Variants in PTPRG observed in about 807,000 individuals in gnomAD.
PTPRG encodes receptor-type tyrosine-protein phosphatase gamma.
In PTPRG, 102 loss-of-function variants were observed where a neutral mutation model predicts 165.3. The ratio of observed to expected loss-of-function variants is 0.62; its 90% CI spans 0.53 to 0.73. The LOEUF is 0.73. Ranked by LOEUF, PTPRG falls within the 30% of genes least tolerant of loss-of-function variation. PTPRG has a pLI of 0.00. For synonymous variants in PTPRG, 675 were observed against 669.5 expected, an observed-to-expected ratio of 1.01 and a Z score of -0.13; for missense variants, 1,866 against 1,861.4, an observed-to-expected ratio of 1.00 and a Z score of -0.05.
At chr3:62,265,894 T>TACACACACACACACACACACACACACAC (rs1250968284) in intron 17 of PTPRG, among the ~76,000 whole-genome samples, 59 of 26,514 alleles carry the variant, frequency 2.2e-3, no homozygotes, top group African/African-American at 6.3e-3. Flanking sequence ...CTGTGCCTTA[T>TACACACACACACACACACACACACACAC]ATACACACAC....
intron 2 of PTPRG, among the ~76,000 whole-genome samples, chr3:61,890,130 T>C (rs926610307): frequency 6.6e-6 from 1 of 152,184 alleles, no homozygotes; most frequent in South Asian, 2.1e-4. Flanking sequence ...AGTAACAAAG[T>C]GTGATTCATT....
chr3:61,739,811 G>C (rs1030986877), intron 1 of PTPRG, among the ~76,000 whole-genome samples: 2 of 152,218 alleles, frequency 1.3e-5, no homozygotes, highest in African/African-American at 4.8e-5. Flanking sequence ...GAACAAGTGG[G>C]ACTGGGTGGA....
At chr3:61,862,491 A>G (rs866960287) in intron 2 of PTPRG, among the ~76,000 whole-genome samples, 3 of 151,276 alleles carry the variant, frequency 2.0e-5, no homozygotes, top group Non-Finnish European at 4.4e-5. Context: ...GGGTTCCAGC[A>G]ATTGTCCTGC....
chr3:62,282,136 T>C (rs1258614077), intron 27 of PTPRG, among the ~76,000 whole-genome samples: 1 of 152,058 alleles, frequency 6.6e-6, no homozygotes, highest in Non-Finnish European at 1.5e-5. Context: ...CTTGTTTTCC[T>C]TTAATTTTAT....
At chr3:62,089,279 C>T (rs1253705100) in intron 5 of PTPRG, among the ~76,000 whole-genome samples, 1 of 152,172 alleles carries the variant, frequency 6.6e-6, no homozygotes, top group Non-Finnish European at 1.5e-5. Flanking sequence ...GGAAATACAT[C>T]CAACCATTTT....
At chr3:62,288,138 C>T (rs1416512722) in intron 28 of PTPRG, among the ~76,000 whole-genome samples, 1 of 133,666 alleles carries the variant, frequency 7.5e-6, no homozygotes, top group Non-Finnish European at 1.6e-5. Flanking sequence ...CCAAACTGTA[C>T]TTAAAAAAAA....
intron 2 of PTPRG, among the ~76,000 whole-genome samples, chr3:61,903,627 G>A (rs1473842444): frequency 1.3e-5 from 2 of 152,122 alleles, no homozygotes; most frequent in East Asian, 3.9e-4. Context: ...ACCCACTTTG[G>A]CCTCCCAAAG....
chr3:61,847,444 A>G (rs150898519), intron 2 of PTPRG, among the ~76,000 whole-genome samples: 3 of 152,244 alleles, frequency 2.0e-5, no homozygotes, highest in South Asian at 2.1e-4. Flanking sequence ...CTGTGAGACA[A>G]CAACTGTTGT....
intron 14 of PTPRG, among the ~76,000 whole-genome samples, chr3:62,243,273 T>C (rs1344154274): frequency 6.6e-6 from 1 of 152,120 alleles, no homozygotes; most frequent in Admixed American, 6.5e-5. Flanking sequence ...CAAGGGCCTC[T>C]GATTCTGAGT....
intron 1 of PTPRG, among the ~76,000 whole-genome samples, chr3:61,584,824 C>A (rs1700394358): frequency 6.6e-6 from 1 of 152,124 alleles, no homozygotes; most frequent in Non-Finnish European, 1.5e-5. Context: ...TGCCCCAGAC[C>A]AATGGAATCA....
intron 7 of PTPRG, among the ~76,000 whole-genome samples, chr3:62,166,850 G>A (rs147907691): frequency 2.6e-5 from 4 of 151,824 alleles, no homozygotes; most frequent in African/African-American, 9.7e-5. Flanking sequence ...CACCATGCCC[G>A]GCTGATTTGT....
At chr3:61,626,530 G>C (rs1373116015) in intron 1 of PTPRG, among the ~76,000 whole-genome samples, 1 of 152,196 alleles carries the variant, frequency 6.6e-6, no homozygotes, top group Non-Finnish European at 1.5e-5. Context: ...CGTACACCAA[G>C]GAATTGGAAT....
chr3:62,292,441 G>A lies in PTPRG; in HGVS notation c.4076G>A (p.Gly1359Glu), dbSNP rs775791317. The A allele has an allele frequency of 6.2e-7, 1 of 1,613,092 alleles. No homozygotes were observed. Among genetic ancestry groups the A allele is most frequent in the South Asian group, 1.1e-5 (1 of 90,942 alleles). Residue 1359 changes from glycine to glutamate, a missense_variant, in exon 29 of 30, where the codon GGA (glycine) becomes GAA (glutamate). Physicochemically the swap from Gly to Glu is moderately conservative, Grantham distance 98. Around this residue, in one of 3 missense-constraint regions of PTPRG, gnomAD observed 1,452 missense variants for 1,463.0 expected, o/e 0.99. Transcript: ENST00000474889. Reference sequence around the variant, plus strand: ...CCCAGGTATGGAGCAGTTTCAGCAGGAATGTTATGTGCCCTTACCACCCTG... The same window carrying A: ...CCCAGGTATGGAGCAGTTTCAGCAGAAATGTTATGTGCCCTTACCACCCTG... ...VHDEYGAVSA[G>E]MLCALTTLSQ... is the part of the protein sequence containing the mutation.
At chr3:61,982,148 G>C (rs1387023382) in intron 2 of PTPRG, among the ~76,000 whole-genome samples, 1 of 152,068 alleles carries the variant, frequency 6.6e-6, no homozygotes, top group African/African-American at 2.4e-5. Flanking sequence ...TGACTATTTG[G>C]GGGTGTACCT....
intron 2 of PTPRG, chr3:61,753,601 T>G (rs116613099): frequency 0.011 from 4,761 of 441,466 alleles, 67 homozygotes; most frequent in African/African-American, 0.034. Flanking sequence ...TTTTTTTTTT[T>G]GGAGATTGGA....
At chr3:61,824,081 T>A (rs1178591414) in intron 2 of PTPRG, among the ~76,000 whole-genome samples, 3 of 151,550 alleles carry the variant, frequency 2.0e-5, no homozygotes, top group Non-Finnish European at 4.4e-5. Flanking sequence ...CCAAGATCGC[T>A]CCACTGCACT....
chr3:61,749,998 T>C (rs2033367331), intron 2 of PTPRG: 1 of 152,240 alleles, frequency 6.6e-6, no homozygotes, highest in Admixed American at 6.5e-5. Context: ...ACCTTATCTA[T>C]TGGCTTTTTG....
intron 1 of PTPRG, among the ~76,000 whole-genome samples, chr3:61,696,213 C>A (rs1021296114): frequency 5.3e-5 from 8 of 152,086 alleles, no homozygotes; most frequent in African/African-American, 1.7e-4. Flanking sequence ...TTAAAAAATT[C>A]TAGCCAGGCC....
intron 28 of PTPRG, among the ~76,000 whole-genome samples, chr3:62,284,122 C>T (rs928869885): frequency 2.6e-5 from 4 of 151,712 alleles, no homozygotes; most frequent in Non-Finnish European, 5.9e-5. Context: ...CAAATTCTAA[C>T]GTTACTGCCC....
Sources: gnomAD v4.1 joint callset for allele counts (sites outside exome capture counted in the v4.1 genomes callset) on GRCh38, gnomAD v4.1.1 for gene constraint, gnomAD v4.1.1 regional missense constraint, MANE v1.5 for transcripts, NCBI Gene and HGNC (gene_info 2026-07-23, HGNC 2026-07-21) for gene names.